Variants in SGCZ observed in about 807,000 individuals in gnomAD.
The protein encoded by SGCZ is sarcoglycan zeta.
A neutral mutation model predicts 41.3 loss-of-function variants in SGCZ; 40 were observed. That is an observed-to-expected ratio of 0.97 (90% CI 0.75 to 1.26). The LOEUF is 1.26. Ranked by LOEUF, SGCZ falls within the 50% of genes most tolerant of loss-of-function variation. SGCZ has a pLI of 0.00. For synonymous variants in SGCZ, 206 were observed against 137.5 expected, an observed-to-expected ratio of 1.50 and a Z score of -3.49; for missense variants, 552 against 369.8, an observed-to-expected ratio of 1.49 and a Z score of -4.04.
chr8:14,177,463 G>C (rs556832294), intron 4 of SGCZ, among the ~76,000 whole-genome samples: 25 of 152,198 alleles, frequency 1.6e-4, no homozygotes, highest in African/African-American at 6.0e-4. Flanking sequence ...CAAGTATAGA[G>C]TTAAGTAAAA....
intron 1 of SGCZ, among the ~76,000 whole-genome samples, chr8:14,755,431 G>GC (rs1799633861): frequency 6.6e-6 from 1 of 151,838 alleles, no homozygotes; most frequent in Non-Finnish European, 1.5e-5. Flanking sequence ...GTGTCAGCTG[G>GC]TTTTTCATAA....
At chr8:14,209,987 C>G (rs1356825764) in intron 4 of SGCZ, among the ~76,000 whole-genome samples, 2 of 112,622 alleles carry the variant, frequency 1.8e-5, no homozygotes, top group African/African-American at 8.1e-5. Flanking sequence ...TGTCTTCAAA[C>G]TAACTGTAAA....
intron 1 of SGCZ, among the ~76,000 whole-genome samples, chr8:14,562,759 T>C (rs11991008): frequency 0.022 from 3,319 of 152,204 alleles, 121 homozygotes; most frequent in African/African-American, 0.073. Flanking sequence ...GGGTCTTGTA[T>C]TGCAGTATTA....
chr8:14,844,857 A>T (rs540181076), intron 1 of SGCZ, among the ~76,000 whole-genome samples: 1 of 152,304 alleles, frequency 6.6e-6, no homozygotes, highest in South Asian at 2.1e-4. Context: ...GAAAGACTGG[A>T]AACATACAAT....
chr8:15,076,706 T>A (rs1805543716), intron 1 of SGCZ, among the ~76,000 whole-genome samples: 1 of 151,486 alleles, frequency 6.6e-6, no homozygotes, highest in African/African-American at 2.4e-5. Flanking sequence ...CTTTTCTGTA[T>A]CCTGAAAGTA....
chr8:14,521,629 T>C (rs996547094), intron 2 of SGCZ, among the ~76,000 whole-genome samples: 1 of 152,138 alleles, frequency 6.6e-6, no homozygotes, highest in African/African-American at 2.4e-5. Flanking sequence ...GTACAGGTTT[T>C]TGTCTTCATT....
chr8:14,470,336 T>C (rs895576819), intron 2 of SGCZ, among the ~76,000 whole-genome samples: 1 of 152,176 alleles, frequency 6.6e-6, no homozygotes, highest in East Asian at 1.9e-4. Flanking sequence ...GCCTGGTCAA[T>C]TTGTTGGCAC....
intron 2 of SGCZ, among the ~76,000 whole-genome samples, chr8:14,362,537 G>A (rs771460629): frequency 9.2e-5 from 14 of 152,182 alleles, no homozygotes; most frequent in Non-Finnish European, 1.9e-4. Flanking sequence ...TGCTGGTTAC[G>A]AAGACTGTGG....
chr8:14,819,962 C>T (rs760652996), intron 1 of SGCZ, among the ~76,000 whole-genome samples: 1 of 151,970 alleles, frequency 6.6e-6, no homozygotes, highest in African/African-American at 2.4e-5. Flanking sequence ...AACAATGTAC[C>T]TATAAAAGAA....
intron 4 of SGCZ, among the ~76,000 whole-genome samples, chr8:14,227,879 G>C (rs182466314): frequency 1.3e-5 from 2 of 152,054 alleles, no homozygotes; most frequent in East Asian, 3.9e-4. Context: ...TGAAAGTCAG[G>C]ACAAAAACGT....
chr8:15,022,156 AT>A (rs1257188876), intron 1 of SGCZ, among the ~76,000 whole-genome samples: 1 of 152,160 alleles, frequency 6.6e-6, no homozygotes, highest in Admixed American at 6.6e-5. Flanking sequence ...CTTTATATGA[AT>A]TTCATATAAA....
chr8:14,371,399 C>A (rs142710258), intron 2 of SGCZ, among the ~76,000 whole-genome samples: 1 of 152,010 alleles, frequency 6.6e-6, no homozygotes, highest in Admixed American at 6.6e-5. Flanking sequence ...CCGGTATTAG[C>A]AATAACCTTT....
chr8:14,902,900 C>G (rs1216209206), intron 1 of SGCZ, among the ~76,000 whole-genome samples: 2 of 152,024 alleles, frequency 1.3e-5, no homozygotes, highest in African/African-American at 4.8e-5. Flanking sequence ...GAATATACGT[C>G]TCCCTGATTA....
Position 14,632,306 on chromosome 8 carries a change from A to C in SGCZ, c.40-77380T>G, listed in dbSNP as rs552070194. Among the ~76,000 whole-genome samples the C allele has an allele frequency of 9.1e-4, 138 of 152,198 alleles. 1 individual carries two copies. Among genetic ancestry groups the C allele is most frequent in the African/African-American group, 3.2e-3 (132 of 41,566 alleles). On this transcript the variant is annotated intron_variant, in intron 1 of 7. Coordinates refer to ENST00000382080, the MANE Select transcript of SGCZ (RefSeq NM_139167.4). ...CCAAAGCATTAGGATTACAGGCCTG[A>C]GCCACCATGCCCAGACAGTGCTTAC...
chr8:14,176,132 A>C (rs1804535102), intron 4 of SGCZ, among the ~76,000 whole-genome samples: 1 of 152,190 alleles, frequency 6.6e-6, no homozygotes, highest in South Asian at 2.1e-4. Context: ...CAGTAGTACA[A>C]ACAAAAAAGT....
chr8:14,098,204 G>A (rs17275911), intron 7 of SGCZ, among the ~76,000 whole-genome samples: 3,106 of 152,238 alleles, frequency 0.02, 47 homozygotes, highest in Non-Finnish European at 0.031. Flanking sequence ...ATTACAGCTT[G>A]TGTTTATTGA....
chr8:14,892,670 C>A (rs1409285354), intron 1 of SGCZ, among the ~76,000 whole-genome samples: 5 of 150,870 alleles, frequency 3.3e-5, no homozygotes, highest in Admixed American at 1.3e-4. Context: ...ATACATCAAA[C>A]TTCCATGGAA....
chr8:15,093,671 T>C (rs1806231270), intron 1 of SGCZ, among the ~76,000 whole-genome samples: 1 of 152,180 alleles, frequency 6.6e-6, no homozygotes, highest in South Asian at 2.1e-4. Context: ...AGAACACGTT[T>C]ATTGTACGTC....
intron 1 of SGCZ, among the ~76,000 whole-genome samples, chr8:15,214,548 CCT>C (rs1160707199): frequency 1.3e-5 from 2 of 151,978 alleles, no homozygotes; most frequent in African/African-American, 4.8e-5. Flanking sequence ...AAATCTGAAA[CCT>C]CTGCACTGTT....
Sources: gnomAD v4.1 joint callset for allele counts (sites outside exome capture counted in the v4.1 genomes callset) on GRCh38, gnomAD v4.1.1 for gene constraint, MANE v1.5 for transcripts, NCBI Gene and HGNC (gene_info 2026-07-23, HGNC 2026-07-21) for gene names.